The following WDR25 variants were observed in gnomAD, a reference collection of about 807,000 sequenced individuals.
The protein encoded by WDR25 is WD repeat-containing protein 25.
Under a neutral mutation model 47.7 loss-of-function variants are expected in WDR25, and 35 were observed. That is an observed-to-expected ratio of 0.73 (90% CI 0.56 to 0.97). The LOEUF is 0.97. Among genes scored for constraint, WDR25 ranks in the 50% least tolerant of loss-of-function variants. The pLI is 0.00. For missense variants in WDR25, 634 were observed against 704.7 expected (o/e 0.90, Z 1.14); for synonymous variants, 248 against 278.9 (o/e 0.89, Z 1.10).
intron 2 of WDR25, among the ~76,000 whole-genome samples, chr14:100,415,514 G>C (rs577617308): frequency 6.6e-6 from 1 of 152,196 alleles, no homozygotes; most frequent in African/African-American, 2.4e-5. Flanking sequence ...AGCAGCCTTG[G>C]AGAGTAGAGA....
intron 4 of WDR25, among the ~76,000 whole-genome samples, chr14:100,484,475 TGTGTGTGTGC>T (rs1411266423): frequency 6.7e-6 from 1 of 148,602 alleles, no homozygotes; most frequent in African/African-American, 2.4e-5. Flanking sequence ...TGTGTGTGTG[TGTGTGTGTGC>T]GTGTGTGTGT....
At chr14:100,438,041 A>G (rs543049763) in intron 2 of WDR25, among the ~76,000 whole-genome samples, 3 of 152,254 alleles carry the variant, frequency 2.0e-5, no homozygotes, top group Non-Finnish European at 2.9e-5. Context: ...AGTTAATAAG[A>G]GTAAACAAAG....
intron 4 of WDR25, among the ~76,000 whole-genome samples, chr14:100,520,093 GTGTA>G (rs1373434999): frequency 4.5e-5 from 4 of 88,596 alleles, no homozygotes; most frequent in African/African-American, 1.3e-4. Flanking sequence ...TATATATATA[GTGTA>G]TATATATATA....
chr14:100,499,221 A>G lies in WDR25; in HGVS notation c.1101+15097A>G, dbSNP rs1042188583. On this transcript the variant is annotated intron_variant, in intron 4 of 6. Coordinates refer to ENST00000402312, the MANE Select transcript of WDR25 (RefSeq NM_001161476.3). The surrounding 1 kb of genome is among the most constrained non-coding windows in gnomAD (Gnocchi z 4.4). ...AATTGTTTTATGCATATGTATTTACATTTTTATATAATTGTCTTTCAGCTT... is the reference window on the plus strand; with the variant it reads ...AATTGTTTTATGCATATGTATTTACGTTTTTATATAATTGTCTTTCAGCTT... Among the ~76,000 whole-genome samples, 1 of 152,204 alleles carries G rather than the reference A, an allele frequency of 6.6e-6. No homozygotes were observed. Among genetic ancestry groups the G allele is most frequent in the African/African-American group, 2.4e-5 (1 of 41,444 alleles).
chr14:100,468,894 C>T lies in WDR25; in HGVS notation c.970+726C>T, dbSNP rs1455322978. ...CCTTCCTCTCTTTCTCCTTTCCCCT[C>T]CCCTCCCCTTTTCTTTCCTTTCCTT... On this transcript the variant is annotated intron_variant, in intron 3 of 6. Transcript: ENST00000402312. This position sits in a 1 kb window ranked among gnomAD's most constrained non-coding sequence, Gnocchi z 4.5. Among the ~76,000 whole-genome samples the T allele has an allele frequency of 6.6e-6, 1 of 151,764 alleles. No homozygotes were observed. The highest frequency in any genetic ancestry group is 1.5e-5 in the Non-Finnish European group (1 of 67,890).
intron 2 of WDR25, among the ~76,000 whole-genome samples, chr14:100,386,523 T>C (rs1022606762): frequency 4.6e-5 from 7 of 152,274 alleles, no homozygotes; most frequent in Non-Finnish European, 8.8e-5. Flanking sequence ...CCTGCTTTTG[T>C]TTAAAAAATA....
intron 3 of WDR25, among the ~76,000 whole-genome samples, chr14:100,469,563 G>A (rs1899759738): frequency 6.6e-6 from 1 of 152,156 alleles, no homozygotes; most frequent in Admixed American, 6.5e-5. Flanking sequence ...TTCCCACCGT[G>A]CCGTGTGTGG....
chr14:100,444,384 A>G (rs576498935), intron 2 of WDR25, among the ~76,000 whole-genome samples: 5 of 152,350 alleles, frequency 3.3e-5, no homozygotes, highest in South Asian at 4.1e-4. Context: ...AGGCTGCTGC[A>G]GGGAACCGCA....
At chr14:100,382,249 A>G in intron 2 of WDR25, 1 of 696,496 alleles carries the variant, frequency 1.4e-6, no homozygotes, top group Non-Finnish European at 2.6e-6. Context: ...GACGGCCCCC[A>G]GTAGGACACA....
chr14:100,390,420 T>C (rs1897116930), intron 2 of WDR25, among the ~76,000 whole-genome samples: 1 of 151,110 alleles, frequency 6.6e-6, no homozygotes, highest in Non-Finnish European at 1.5e-5. Context: ...TGTGTGTGTG[T>C]GTGTGTGCAT....
At position 100,529,893 on chromosome 14, in the gene WDR25, G is replaced by A. The variant is rs199561086; in HGVS notation, c.1487G>A (p.Arg496Gln). 28 of 1,613,310 alleles carry A rather than the reference G, an allele frequency of 1.7e-5. No homozygotes were observed. The highest frequency in any genetic ancestry group is 1.2e-4 in the Admixed American group (7 of 60,030). The change falls in exon 7 of 7, where the codon CGG (arginine) becomes CAG (glutamine). Residue 496 changes from arginine (R) to glutamine (Q), a missense_variant. Coordinates refer to ENST00000402312, the MANE Select transcript of WDR25 (RefSeq NM_001161476.3). This position sits in a 1 kb window ranked among gnomAD's most constrained non-coding sequence, Gnocchi z 5.1. Reference protein sequence around the residue: ...DLLVTGSADGRVLMYSFRTAS... With the variant: ...DLLVTGSADGQVLMYSFRTAS... ...CTGGTGACGGGCAGCGCCGATGGCC[G>A]GGTCCTGATGTACAGCTTCCGCACA... is the stretch of plus-strand genomic sequence containing the variant.
chr14:100,380,607 C>T (rs1416930981), intron 1 of WDR25, among the ~76,000 whole-genome samples: 1 of 152,024 alleles, frequency 6.6e-6, no homozygotes, highest in Non-Finnish European at 1.5e-5. Context: ...CGATCTCCTG[C>T]CTCAGCCTCC....
chr14:100,454,685 G>T, intron 2 of WDR25: 1 of 345,642 alleles, frequency 2.9e-6, no homozygotes, highest in South Asian at 2.3e-5. Flanking sequence ...GTCTGTGCCA[G>T]ACAGGCTGCT....
At chr14:100,432,636 C>G (rs1898372642) in intron 2 of WDR25, among the ~76,000 whole-genome samples, 1 of 152,176 alleles carries the variant, frequency 6.6e-6, no homozygotes, top group South Asian at 2.1e-4. Flanking sequence ...TTTTTGGTAC[C>G]ATGTAAGAGT....
At chr14:100,394,816 C>T (rs1897220926) in intron 2 of WDR25, among the ~76,000 whole-genome samples, 1 of 152,136 alleles carries the variant, frequency 6.6e-6, no homozygotes, top group Non-Finnish European at 1.5e-5. Flanking sequence ...GGAGGCCTAT[C>T]TCCACAAAAA....
intron 2 of WDR25, among the ~76,000 whole-genome samples, chr14:100,398,720 C>T (rs935743545): frequency 2.7e-5 from 4 of 146,172 alleles, no homozygotes; most frequent in African/African-American, 1.0e-4. Flanking sequence ...ATCTAGGATG[C>T]CATATTGCAT....
chr14:100,454,686 A>G, intron 2 of WDR25: 1 of 345,406 alleles, frequency 2.9e-6, no homozygotes, highest in South Asian at 2.3e-5. Flanking sequence ...TCTGTGCCAG[A>G]CAGGCTGCTA....
chr14:100,461,822 C>T (rs1047339871), intron 2 of WDR25, among the ~76,000 whole-genome samples: 24 of 151,806 alleles, frequency 1.6e-4, no homozygotes, highest in Non-Finnish European at 2.6e-4. Flanking sequence ...GATAGGGCCA[C>T]GAGGGAGGCG....
In WDR25 at chr14:100,433,135, C is replaced by T. The variant is rs1898393002; in HGVS notation, c.823-34886C>T. Reference sequence around the variant, plus strand: ...TGTACATACCTTATTGATATTTTGTCAACTGTCCCAAAAATATCCTTTATA... The same window carrying T: ...TGTACATACCTTATTGATATTTTGTTAACTGTCCCAAAAATATCCTTTATA... On this transcript the variant is annotated intron_variant, in intron 2 of 6. Coordinates refer to ENST00000402312, the MANE Select transcript of WDR25 (RefSeq NM_001161476.3). 3.3e-5 allele frequency among the ~76,000 whole-genome samples: 5 copies of T among 152,224 alleles called. No homozygotes were observed. In the South Asian group the frequency reaches 1.0e-3, roughly 32 times the overall value.
Sources: allele counts gnomAD v4.1 joint callset (sites outside exome capture counted in the v4.1 genomes callset), GRCh38; gene constraint gnomAD v4.1.1; non-coding constraint Gnocchi (gnomAD v3.1); transcripts MANE v1.5; gene names NCBI Gene and HGNC (gene_info 2026-07-23, HGNC 2026-07-21).